The following LRRIQ3 variants were observed in gnomAD, a reference collection of about 807,000 sequenced individuals.
LRRIQ3 encodes the protein leucine-rich repeat and IQ domain-containing protein 3.
LRRIQ3 carries 75 observed loss-of-function variants against 59.3 expected under a neutral mutation model. That is an observed-to-expected ratio of 1.26 (90% confidence interval 1.05 to 1.53). The LOEUF (loss-of-function observed/expected upper bound fraction) is 1.53. Ranked by LOEUF, LRRIQ3 falls within the 40% of genes most tolerant of loss-of-function variation. The pLI is 0.00. For synonymous variants in LRRIQ3, 250 were observed against 231.3 expected, an observed-to-expected ratio of 1.08 and a Z score of -0.73; for missense variants, 831 against 710.0, an observed-to-expected ratio of 1.17 and a Z score of -1.94.
At chr1:74,108,826 GTTAA>G (rs1381296556) in intron 5 of LRRIQ3, 2 of 333,798 alleles carry the variant, frequency 6.0e-6, no homozygotes, top group Non-Finnish European at 1.2e-5. Flanking sequence ...CTTTTGGTAA[GTTAA>G]TTAACCTCTA....
intron 3 of LRRIQ3, among the ~76,000 whole-genome samples, chr1:74,166,802 C>T (rs1350771024): frequency 1.3e-5 from 2 of 151,630 alleles, no homozygotes; most frequent in African/African-American, 4.8e-5. Flanking sequence ...CATGAATAGA[C>T]AATTCTCAAA....
At chr1:74,168,246 T>A (rs1010774168) in intron 3 of LRRIQ3, among the ~76,000 whole-genome samples, 2 of 152,028 alleles carry the variant, frequency 1.3e-5, no homozygotes, top group Non-Finnish European at 2.9e-5. Flanking sequence ...TTTCTGTCCA[T>A]ATATTTTGTT....
At chr1:74,067,086 T>C (rs1654887217) in intron 6 of LRRIQ3, among the ~76,000 whole-genome samples, 1 of 152,128 alleles carries the variant, frequency 6.6e-6, no homozygotes, top group Admixed American at 6.6e-5. Flanking sequence ...GATCCTTTGA[T>C]CCCTTTTCGC....
At chr1:74,066,187 G>GAA (rs71772871) in intron 6 of LRRIQ3, among the ~76,000 whole-genome samples, 2 of 119,882 alleles carry the variant, frequency 1.7e-5, no homozygotes, top group Admixed American at 8.7e-5. Context: ...ACTCTGTCTC[G>GAA]AAAAAAAAAA....
intron 7 of LRRIQ3, among the ~76,000 whole-genome samples, chr1:74,040,840 G>A (rs1293023766): frequency 6.6e-6 from 1 of 152,176 alleles, no homozygotes; most frequent in Non-Finnish European, 1.5e-5. Flanking sequence ...GAAAGCTGGA[G>A]AAAGATCACA....
chr1:74,161,239 A>G (rs1245365067), intron 3 of LRRIQ3, among the ~76,000 whole-genome samples: 1 of 151,846 alleles, frequency 6.6e-6, no homozygotes, highest in Non-Finnish European at 1.5e-5. Flanking sequence ...CTCATGACCT[A>G]ATCACCTCCA....
At chr1:74,186,944 T>G (rs1484993870) in intron 1 of LRRIQ3, among the ~76,000 whole-genome samples, 2 of 150,724 alleles carry the variant, frequency 1.3e-5, no homozygotes. Flanking sequence ...ATGACTATTA[T>G]AAGCAAGAAA....
At chr1:74,155,500 T>C (rs1035657804) in intron 4 of LRRIQ3, among the ~76,000 whole-genome samples, 2 of 152,166 alleles carry the variant, frequency 1.3e-5, no homozygotes, top group South Asian at 2.1e-4. Flanking sequence ...ATGGCTTACA[T>C]TTGTATTTAT....
intron 4 of LRRIQ3, 93 bp downstream of exon 4, chr1:74,155,640 C>G (rs1648273133): frequency 8.0e-7 from 1 of 1,250,482 alleles, no homozygotes; most frequent in South Asian, 1.6e-5. Context: ...ATAGAGAATA[C>G]AAAAATGCAA....
At position 74,191,513 on chromosome 1, in the gene LRRIQ3, T is replaced by TC. The variant is rs1205876806; in HGVS notation, c.-1+6482dup. Among the ~76,000 whole-genome samples the TC allele has an allele frequency of 3.3e-5, 5 of 152,062 alleles. No homozygotes were observed. The East Asian group carries it at 9.6e-4, about 29-fold the overall frequency. ...TTCTTTTCAAGCTCACATGGAGCAT[T>TC]CACTCACCAAGACAGACCACATTCT... On this transcript the variant is annotated intron_variant, in intron 1 of 7. Transcript: ENST00000354431.
At chr1:74,175,316 C>G (rs1197607116) in intron 3 of LRRIQ3, among the ~76,000 whole-genome samples, 1 of 152,208 alleles carries the variant, frequency 6.6e-6, no homozygotes, top group African/African-American at 2.4e-5. Flanking sequence ...TTGCCCACCA[C>G]TAACAGCTCT....
intron 2 of LRRIQ3, chr1:74,183,067 C>T (rs574840981): frequency 1.2e-4 from 45 of 367,572 alleles, no homozygotes; most frequent in South Asian, 6.0e-4. Context: ...TATTATTATT[C>T]GCATAGTAAA....
At chr1:74,081,142 A>T (rs1646269618) in intron 5 of LRRIQ3, among the ~76,000 whole-genome samples, 1 of 151,626 alleles carries the variant, frequency 6.6e-6, no homozygotes, top group Non-Finnish European at 1.5e-5. Flanking sequence ...GTGAACTAGA[A>T]GTGATAATAC....
intron 5 of LRRIQ3, among the ~76,000 whole-genome samples, chr1:74,084,565 T>C (rs1205801769): frequency 6.6e-6 from 1 of 151,736 alleles, no homozygotes; most frequent in Non-Finnish European, 1.5e-5. Flanking sequence ...AATATATATT[T>C]ATTTCCCACA....
rs1435785844 is a variant in LRRIQ3, at chr1:74,132,427, A to T, written c.708-22874T>A. 2.6e-5 allele frequency among the ~76,000 whole-genome samples: 4 copies of T among 152,294 alleles called. No homozygotes were observed. The East Asian group carries it at 7.7e-4, about 29-fold the overall frequency. ...GCCAAGTCAATGCTAAGCCAAAAGA[A>T]CAAAGCTGGAGGCGTCGTGCTACCT... On this transcript the variant is annotated intron_variant, in intron 4 of 7. Coordinates refer to ENST00000354431, the MANE Select transcript of LRRIQ3 (RefSeq NM_001105659.2).
chr1:74,139,922 T>C (rs1647200537), intron 4 of LRRIQ3, among the ~76,000 whole-genome samples: 1 of 151,800 alleles, frequency 6.6e-6, no homozygotes, highest in Admixed American at 6.6e-5. Flanking sequence ...TTCTTCAAAA[T>C]TGGAAATATA....
At chr1:74,131,267 C>G (rs146719105) in intron 4 of LRRIQ3, among the ~76,000 whole-genome samples, 29 of 152,064 alleles carry the variant, frequency 1.9e-4, no homozygotes, top group African/African-American at 5.5e-4. Flanking sequence ...CAGGACCAGA[C>G]AGATTCACAG....
chr1:74,181,203 G>T (rs1649957073), intron 3 of LRRIQ3: 2 of 163,518 alleles, frequency 1.2e-5, no homozygotes, highest in Non-Finnish European at 2.7e-5. Context: ...CTTTATTACT[G>T]GTATCTGCCT....
intron 4 of LRRIQ3, among the ~76,000 whole-genome samples, chr1:74,143,654 A>G (rs1398372512): frequency 1.3e-5 from 2 of 151,686 alleles, no homozygotes; most frequent in African/African-American, 4.8e-5. Context: ...CATAAGTAAT[A>G]TAATCATTGT....
Sources: allele counts gnomAD v4.1 joint callset (sites outside exome capture counted in the v4.1 genomes callset), GRCh38; gene constraint gnomAD v4.1.1; transcripts MANE v1.5; gene names NCBI Gene and HGNC (gene_info 2026-07-23, HGNC 2026-07-21).